Variants in ENTPD5 observed in about 807,000 individuals in gnomAD.
ENTPD5 encodes ectonucleoside triphosphate diphosphohydrolase 5 (inactive), also known as nucleoside diphosphate phosphatase ENTPD5.
ENTPD5 carries 49 observed loss-of-function variants against 60.2 expected under a neutral mutation model. That is an observed-to-expected ratio of 0.81 (90% CI 0.65 to 1.03). ENTPD5 has a LOEUF of 1.03. Among genes scored for constraint, ENTPD5 ranks in the 50% least tolerant of loss-of-function variants. ENTPD5 has a pLI of 0.00. For missense variants in ENTPD5, 480 were observed against 507.6 expected, an observed-to-expected ratio of 0.95 and a Z score of 0.52; for synonymous variants, 187 against 185.4, an observed-to-expected ratio of 1.01 and a Z score of -0.07.
At chr14:74,017,504 G>A (rs2059060926) in intron 1 of ENTPD5, among the ~76,000 whole-genome samples, 1 of 151,718 alleles carries the variant, frequency 6.6e-6, no homozygotes, top group Non-Finnish European at 1.5e-5. Context: ...GCTTGAACTG[G>A]GAGGTGGAGG....
chr14:74,009,697 G>C (rs11848840), intron 3 of ENTPD5, among the ~76,000 whole-genome samples: 2,315 of 152,288 alleles, frequency 0.015, 60 homozygotes, highest in African/African-American at 0.052. Flanking sequence ...AGCTCACTGC[G>C]GCCTTAAACT....
At position 73,966,104 on chromosome 14, in the gene ENTPD5, C is replaced by T. The variant is rs2140449432; in HGVS notation, c.*824G>A. The T allele has an allele frequency of 6.6e-6, 1 of 152,262 alleles. No homozygotes were observed. The highest frequency in any genetic ancestry group is 2.1e-4 in the South Asian group (1 of 4,824). The allele number at this position is 152,262 out of a possible 1,614,324, so 9.4% of individuals were successfully genotyped here. On this transcript the variant is annotated 3_prime_UTR_variant, in exon 16 of 16. Coordinates refer to ENST00000334696, the MANE Select transcript of ENTPD5 (RefSeq NM_001249.5). ...GTATTTCTTAGAAATACAAAGAAAA[C>T]AAGTTTAGAATCATAGAAAACACTG... is the stretch of plus-strand genomic sequence containing the variant.
intron 6 of ENTPD5, among the ~76,000 whole-genome samples, chr14:73,982,242 T>C (rs939625339): frequency 2.0e-5 from 3 of 151,916 alleles, no homozygotes; most frequent in Admixed American, 2.0e-4. Context: ...GCCCAGCTAA[T>C]TTTTGTATTT....
At position 73,965,161 on chromosome 14, in the gene ENTPD5, G is replaced by C. The variant is rs1468349299; in HGVS notation, c.*1767C>G. 6.6e-6 allele frequency: 1 copy of C among 152,164 alleles called. No homozygotes were observed. The highest frequency in any genetic ancestry group is 2.4e-5 in the African/African-American group (1 of 41,454). The allele number at this position is 152,164 out of a possible 1,614,324, so 9.4% of individuals were successfully genotyped here. The stretch of plus-strand genomic sequence containing the variant: ...GATACAGAAATTTGCCTAGTAACTT[G>C]CACACAGCAGATGGTAAATATTTAT... On this transcript the variant is annotated 3_prime_UTR_variant, in exon 16 of 16. Coordinates refer to ENST00000334696, the MANE Select transcript of ENTPD5 (RefSeq NM_001249.5).
intron 6 of ENTPD5, among the ~76,000 whole-genome samples, chr14:73,980,083 A>T (rs2057616245): frequency 6.7e-6 from 1 of 149,948 alleles, no homozygotes; most frequent in South Asian, 2.1e-4. Flanking sequence ...AGTAGCTGGG[A>T]TTACAGATGC....
chr14:73,960,979 C>T (rs2056695319), downstream of ENTPD5: 1 of 707,342 alleles, frequency 1.4e-6, no homozygotes, highest in South Asian at 1.7e-5. Context: ...TACAGTTTGG[C>T]TAGATCTTAA....
At chr14:74,015,144 G>A (rs1010393394) in intron 2 of ENTPD5, among the ~76,000 whole-genome samples, 3 of 151,408 alleles carry the variant, frequency 2.0e-5, no homozygotes, top group Non-Finnish European at 2.9e-5. Flanking sequence ...TATTTATTCA[G>A]GATTCTAAAG....
In ENTPD5 at chr14:73,973,003, C is replaced by G. The variant is rs780561447; in HGVS notation, c.908G>C (p.Cys303Ser). Residue 303 changes from cysteine to serine, a missense_variant, in exon 13 of 16, where the codon TGC becomes TCC. Physicochemically the swap from Cys to Ser is moderately radical, Grantham distance 112. Coordinates refer to ENST00000334696, the MANE Select transcript of ENTPD5 (RefSeq NM_001249.5). ...NQEGEVGFEP[C>S]YAEVLRVVRG... ...TACCACCCTCAGCACTTCGGCATAG[C>G]AGGGCTCAAAGCCCACCTCCCCTGC... 26 of 1,614,054 alleles carry G rather than the reference C, an allele frequency of 1.6e-5. No homozygotes were observed. Among genetic ancestry groups the G allele is most frequent in the Non-Finnish European group, 2.2e-5 (26 of 1,180,036 alleles).
downstream of ENTPD5, chr14:73,956,327 CAAA>C (rs34194477): frequency 2.9e-4 from 42 of 146,390 alleles, no homozygotes; most frequent in South Asian, 7.0e-4. Context: ...GACTCCGTCT[CAAA>C]AAAAAAAAAA....
intron 1 of ENTPD5, among the ~76,000 whole-genome samples, chr14:74,018,318 G>A (rs2059122353): frequency 6.6e-6 from 1 of 152,204 alleles, no homozygotes; most frequent in Non-Finnish European, 1.5e-5. Context: ...AAGACATCGG[G>A]AAGGAGTGTA....
chr14:73,992,831 C>T (rs2058192359), intron 3 of ENTPD5, among the ~76,000 whole-genome samples: 1 of 151,914 alleles, frequency 6.6e-6, no homozygotes, highest in Non-Finnish European at 1.5e-5. Context: ...GGCGAAACCC[C>T]GTCTCTGCTA....
rs1028173932 is a variant in ENTPD5, at chr14:73,982,116, G to A, written c.441+902C>T. ...TTGAGATGCAGTCTCGCTCTGTTGCGCAGGCTGGAGTGCAGTGGTGTGATC... is the reference window on the plus strand; with the variant it reads ...TTGAGATGCAGTCTCGCTCTGTTGCACAGGCTGGAGTGCAGTGGTGTGATC... On this transcript the variant is annotated intron_variant, in intron 6 of 15. Transcript: ENST00000334696. Among the ~76,000 whole-genome samples the A allele has an allele frequency of 5.9e-5, 9 of 152,148 alleles. No individual in the cohort carries two copies. The South Asian group carries it at 6.2e-4, about 11-fold the overall frequency.
At position 73,971,809 on chromosome 14, in the gene ENTPD5, C is replaced by T. The variant is rs748430316; in HGVS notation, c.1084+43G>A. 3.1e-5 allele frequency: 42 copies of T among 1,353,202 alleles called. No homozygotes were observed. In the South Asian group the frequency reaches 3.6e-4, roughly 12 times the overall value. The allele number at this position is 1,353,202 out of a possible 1,614,324, so 83.8% of individuals were successfully genotyped here. On this transcript the variant is annotated intron_variant, in intron 14 of 15. Transcript: ENST00000334696. ...ACTTTAGGTCACTAGAGTAGGCAGG[C>T]AGTCTCACAGGCTTACCTTCAAGGG...
chr14:74,008,928 A>C (rs1421092336), intron 3 of ENTPD5: 1 of 152,258 alleles, frequency 6.6e-6, no homozygotes, highest in Non-Finnish European at 1.5e-5. Flanking sequence ...CAAATACATC[A>C]GTCTTTCCTG....
downstream of ENTPD5, chr14:73,959,581 G>GTTTT: frequency 7.1e-7 from 1 of 1,404,940 alleles, no homozygotes; most frequent in Non-Finnish European, 9.8e-7. Context: ...GAAAGGTGTT[G>GTTTT]TTTTTTTTTT....
At chr14:73,998,310 T>A (rs140466163) in intron 3 of ENTPD5, among the ~76,000 whole-genome samples, 1 of 152,260 alleles carries the variant, frequency 6.6e-6, no homozygotes, top group Non-Finnish European at 1.5e-5. Context: ...TCTCCCTCCC[T>A]GCTCTTTCTA....
intron 15 of ENTPD5, among the ~76,000 whole-genome samples, chr14:73,967,815 AAAG>A (rs1375197988): frequency 2.0e-5 from 3 of 150,668 alleles, no homozygotes; most frequent in Non-Finnish European, 4.4e-5. Flanking sequence ...AAAAAAAAAA[AAAG>A]AAAAAAAAAG....
intron 2 of ENTPD5, among the ~76,000 whole-genome samples, chr14:74,014,819 C>T (rs1009866578): frequency 6.6e-6 from 1 of 152,032 alleles, no homozygotes; most frequent in African/African-American, 2.4e-5. Context: ...GTGGCTCAAG[C>T]CTGTAATCTC....
intron 1 of ENTPD5, chr14:74,018,416 G>A (rs1031816695): frequency 1.3e-5 from 2 of 152,186 alleles, no homozygotes; most frequent in African/African-American, 4.8e-5. Context: ...GAGTATAACA[G>A]AGCAGAGCTT....
Sources: allele counts gnomAD v4.1 joint callset (sites outside exome capture counted in the v4.1 genomes callset), GRCh38; gene constraint gnomAD v4.1.1; transcripts MANE v1.5; gene names NCBI Gene and HGNC (gene_info 2026-07-23, HGNC 2026-07-21).